The following CA1 variants were observed in gnomAD, a reference collection of about 807,000 sequenced individuals.
The protein encoded by CA1 is carbonic anhydrase 1.
Under a neutral mutation model 28.8 loss-of-function variants are expected in CA1, and 27 were observed. The ratio of observed to expected loss-of-function variants is 0.94; its 90% CI spans 0.69 to 1.29. CA1 has a LOEUF of 1.29. Ranked by LOEUF, CA1 falls within the 50% of genes most tolerant of loss-of-function variation. The pLI, the probability that CA1 is intolerant of heterozygous loss-of-function variation, is 0.00. For synonymous variants in CA1, 121 were observed against 108.8 expected (o/e 1.11, Z -0.70); for missense variants, 335 against 310.5 (o/e 1.08, Z -0.59).
At chr8:85,344,081 G>GTATA (rs56308220) in intron 1 of CA1, among the ~76,000 whole-genome samples, 77,801 of 128,250 alleles carry the variant, frequency 0.61, 24,755 homozygotes, top group Non-Finnish European at 0.72. Context: ...TAAACTAAAA[G>GTATA]TATATATATA....
intron 1 of CA1, among the ~76,000 whole-genome samples, chr8:85,370,327 A>G (rs909095051): frequency 1.3e-5 from 2 of 152,148 alleles, no homozygotes; most frequent in African/African-American, 4.8e-5. Context: ...TGGGGATACA[A>G]ATGGTAGTGA....
chr8:85,372,628 T>TC (rs963534929), intron 1 of CA1, among the ~76,000 whole-genome samples: 4 of 152,168 alleles, frequency 2.6e-5, no homozygotes, highest in African/African-American at 9.7e-5. Context: ...TACAGTAGTT[T>TC]CCCCCTTAAC....
At chr8:85,331,594 C>T (rs1463480004) in intron 6 of CA1, among the ~76,000 whole-genome samples, 3 of 151,938 alleles carry the variant, frequency 2.0e-5, no homozygotes, top group African/African-American at 2.4e-5. Flanking sequence ...TTAGCTAGGA[C>T]TACATGTGTG....
intron 1 of CA1, among the ~76,000 whole-genome samples, chr8:85,356,659 C>CT (rs928727574): frequency 4.0e-5 from 6 of 151,696 alleles, no homozygotes; most frequent in African/African-American, 9.7e-5. Flanking sequence ...AAGTGCTTTC[C>CT]TTTTTTTTCA....
chr8:85,346,590 C>T (rs944046581), intron 1 of CA1, among the ~76,000 whole-genome samples: 3 of 151,876 alleles, frequency 2.0e-5, no homozygotes, highest in Non-Finnish European at 4.4e-5. Flanking sequence ...CATGAAACCC[C>T]GTCTCTACTA....
chr8:85,373,949 G>A (rs779883925), intron 1 of CA1, among the ~76,000 whole-genome samples: 8 of 152,144 alleles, frequency 5.3e-5, no homozygotes, highest in Non-Finnish European at 1.0e-4. Context: ...GGGAGTTATT[G>A]TTTAATGAAT....
At chr8:85,343,344 G>A (rs1470493369) in intron 1 of CA1, 1 of 152,146 alleles carries the variant, frequency 6.6e-6, no homozygotes, top group East Asian at 1.9e-4. Context: ...TAAGCCTAGG[G>A]TTTAAACCTA....
chr8:85,329,845 C>T lies in CA1; in HGVS notation c.514-1G>A, dbSNP rs756697481. 1.3e-6 allele frequency: 2 copies of T among 1,581,000 alleles called. No individual in the cohort carries two copies. The highest frequency in any genetic ancestry group is 2.3e-5 in the South Asian group (2 of 87,242). ...AATTTGTGAATGGGGCTCGTTTGCCCTGGAAGAAAAGAATACATCATTACA... is the reference window on the plus strand; with the variant it reads ...AATTTGTGAATGGGGCTCGTTTGCCTTGGAAGAAAAGAATACATCATTACA... On this transcript the variant is annotated splice_acceptor_variant, in intron 6 of 7. Transcript: ENST00000523022. LOFTEE classifies it high-confidence loss of function.
rs768056328 is a variant in CA1 at position 85,338,178 on chromosome 8, T to C, written c.235+74A>G. 4.1e-6 allele frequency: 5 copies of C among 1,217,780 alleles called. No individual in the cohort carries two copies. The South Asian group carries it at 6.0e-5, about 15-fold the overall frequency. 75.4% of individuals were successfully genotyped at this position (1,217,780 alleles called of 1,614,324 possible). ...CAAAAGACTTAGAATGGGTGTCATA[T>C]TTCTCGAGCACTATTTTTTAAATTT... On this transcript the variant is annotated intron_variant, in intron 3 of 7. Transcript: ENST00000523022.
At position 85,333,542 on chromosome 8, in the gene CA1, T is replaced by A. The variant is rs757731644; in HGVS notation, c.433A>T (p.Ile145Phe). 2.4e-5 allele frequency: 38 copies of A among 1,610,974 alleles called. No homozygotes were observed. The highest frequency in any genetic ancestry group is 1.6e-4 in the Middle Eastern group (1 of 6,066). ...AASKADGLAV[I>F]GVLMKVGEAN... ...TAACTCACCTTCATCAAAACACCAA[T>A]AACTGCCAAACCATCAGCCTTTGAG... The change falls in exon 5 of 8, where the codon ATT becomes TTT. Residue 145 changes from isoleucine (I) to phenylalanine (F), a missense_variant. By Grantham distance (21) the Ile-to-Phe change is conservative (BLOSUM62 0). Coordinates refer to ENST00000523022, the MANE Select transcript of CA1 (RefSeq NM_001128831.4).
chr8:85,337,601 G>A (rs568034822), intron 3 of CA1, among the ~76,000 whole-genome samples: 44 of 152,212 alleles, frequency 2.9e-4, no homozygotes, highest in African/African-American at 9.9e-4. Flanking sequence ...ACTTTGTTTG[G>A]AGAGCCTATC....
chr8:85,376,953 C>G (rs999636825), intron 1 of CA1, among the ~76,000 whole-genome samples: 2 of 152,108 alleles, frequency 1.3e-5, no homozygotes, highest in Non-Finnish European at 2.9e-5. Context: ...TATCTATTCT[C>G]TTTATTTGCA....
chr8:85,370,053 G>A (rs1810159611), intron 1 of CA1, among the ~76,000 whole-genome samples: 1 of 152,188 alleles, frequency 6.6e-6, no homozygotes, highest in South Asian at 2.1e-4. Flanking sequence ...TGAAATGGGG[G>A]GGAAGTTGAA....
chr8:85,354,903 A>C (rs577597801), intron 1 of CA1, among the ~76,000 whole-genome samples: 19 of 152,150 alleles, frequency 1.2e-4, no homozygotes, highest in Non-Finnish European at 2.6e-4. Context: ...CCTGCTTTCC[A>C]TTCTGTCTTG....
chr8:85,349,436 G>A (rs1809322377), intron 1 of CA1, among the ~76,000 whole-genome samples: 1 of 152,142 alleles, frequency 6.6e-6, no homozygotes, highest in Non-Finnish European at 1.5e-5. Context: ...CAAACTAACA[G>A]TAACTTTTTT....
At chr8:85,345,738 C>CTATA (rs1422717096) in intron 1 of CA1, among the ~76,000 whole-genome samples, 23 of 152,228 alleles carry the variant, frequency 1.5e-4, no homozygotes, top group African/African-American at 5.1e-4. Context: ...CTTTGCTATA[C>CTATA]TCATGTTTGT....
At chr8:85,331,248 T>G (rs1038362018) in intron 6 of CA1, among the ~76,000 whole-genome samples, 1 of 152,106 alleles carries the variant, frequency 6.6e-6, no homozygotes, top group Non-Finnish European at 1.5e-5. Flanking sequence ...CATAATGTTA[T>G]AAAAAATTTT....
intron 1 of CA1, among the ~76,000 whole-genome samples, chr8:85,360,752 C>T (rs890164480): frequency 5.3e-5 from 8 of 152,134 alleles, no homozygotes; most frequent in African/African-American, 1.4e-4. Context: ...TTCTCATCTC[C>T]GGTAACTGTA....
intron 1 of CA1, among the ~76,000 whole-genome samples, chr8:85,358,114 A>G (rs78816113): frequency 0.021 from 3,209 of 152,288 alleles, 117 homozygotes; most frequent in African/African-American, 0.072. Context: ...TGAATTTTCT[A>G]AAGGGATAAA....
Sources: allele counts gnomAD v4.1 joint callset (sites outside exome capture counted in the v4.1 genomes callset), GRCh38; gene constraint gnomAD v4.1.1; transcripts MANE v1.5; gene names NCBI Gene and HGNC (gene_info 2026-07-23, HGNC 2026-07-21).